The following TNFRSF11A variants were observed in gnomAD, a reference collection of about 807,000 sequenced individuals.
TNFRSF11A encodes the protein TNF receptor superfamily member 11a.
Under a neutral mutation model 55.7 loss-of-function variants are expected in TNFRSF11A, and 32 were observed. The observed-to-expected ratio is 0.57, with a 90% confidence interval of 0.43 to 0.77. The LOEUF is 0.77. Among genes scored for constraint, TNFRSF11A ranks in the 30% least tolerant of loss-of-function variants. The pLI is 0.00. For missense variants in TNFRSF11A, 753 were observed against 809.8 expected (o/e 0.93, Z 0.85); for synonymous variants, 311 against 331.0 (o/e 0.94, Z 0.65).
rs907952727 is a variant in TNFRSF11A at position 62,361,628 on chromosome 18, C to A, written c.617-52C>A. The A allele has an allele frequency of 3.3e-6, 5 of 1,522,758 alleles. No homozygotes were observed. The Admixed American group carries it at 5.0e-5, about 15-fold the overall frequency. 94.3% of individuals were successfully genotyped at this position (1,522,758 alleles called of 1,614,324 possible). On this transcript the variant is annotated intron_variant, in intron 6 of 9. Transcript: ENST00000586569. ...TTTACCGGGATTTGTTTTTCAACTG[C>A]GTAAAATTAAAGAATCTTTACTACC...
At chr18:62,343,737 C>T (rs1026322688) in intron 1 of TNFRSF11A, among the ~76,000 whole-genome samples, 7 of 152,094 alleles carry the variant, frequency 4.6e-5, no homozygotes, top group Admixed American at 1.3e-4. Flanking sequence ...CACAAGAAAG[C>T]GAAGCAAGAG....
intron 9 of TNFRSF11A, among the ~76,000 whole-genome samples, chr18:62,369,848 C>T (rs1355472145): frequency 6.6e-6 from 1 of 152,206 alleles, no homozygotes; most frequent in Non-Finnish European, 1.5e-5. Context: ...GGCATTCCCT[C>T]AGATTTCTGC....
chr18:62,356,307 C>T (rs1568483375), intron 4 of TNFRSF11A, among the ~76,000 whole-genome samples: 1 of 152,208 alleles, frequency 6.6e-6, no homozygotes, highest in Non-Finnish European at 1.5e-5. Context: ...TCTTTATTAT[C>T]AAATGCATTG....
At chr18:62,348,584 T>C (rs1273752509) in intron 2 of TNFRSF11A, among the ~76,000 whole-genome samples, 2 of 152,246 alleles carry the variant, frequency 1.3e-5, no homozygotes, top group African/African-American at 4.8e-5. Flanking sequence ...AAATGTGAAA[T>C]GCAGCTCTTA....
intron 1 of TNFRSF11A, among the ~76,000 whole-genome samples, chr18:62,329,261 G>T (rs911455217): frequency 1.3e-5 from 2 of 152,208 alleles, no homozygotes; most frequent in Admixed American, 1.3e-4. Flanking sequence ...AACTGTCCAG[G>T]TGGTTCACTC....
In TNFRSF11A at chr18:62,325,347, C is replaced by A. The variant is rs1600335960; in HGVS notation, c.-6C>A. On this transcript the variant is annotated 5_prime_UTR_variant, in exon 1 of 10. Transcript: ENST00000586569. The surrounding 1 kb of genome is among the most constrained non-coding windows in gnomAD (Gnocchi z 4.7). ...GGCCGCGGCGCCCGCCAGCCTGTCC[C>A]GCGCCATGGCCCCGCGCGCCCGGCG... is the stretch of plus-strand genomic sequence containing the variant. The A allele has an allele frequency of 9.8e-7, 1 of 1,019,620 alleles. No individual in the cohort carries two copies. Among genetic ancestry groups the A allele is most frequent in the Non-Finnish European group, 1.2e-6 (1 of 854,958 alleles). The allele number at this position is 1,019,620 out of a possible 1,614,324, so 63.2% of individuals were successfully genotyped here.
intron 1 of TNFRSF11A, among the ~76,000 whole-genome samples, chr18:62,344,549 T>C (rs1207571335): frequency 6.6e-6 from 1 of 152,228 alleles, no homozygotes; most frequent in Non-Finnish European, 1.5e-5. Context: ...TTTTATCAAA[T>C]GATTGCTTTA....
chr18:62,339,854 T>C (rs1216789687), intron 1 of TNFRSF11A, among the ~76,000 whole-genome samples: 2 of 152,150 alleles, frequency 1.3e-5, no homozygotes, highest in Non-Finnish European at 2.9e-5. Flanking sequence ...AACAGCCTCT[T>C]TGCGGGGAAC....
chr18:62,382,452 A>G (rs9950319), intron 9 of TNFRSF11A, among the ~76,000 whole-genome samples: 2,221 of 152,110 alleles, frequency 0.015, 35 homozygotes, highest in Middle Eastern at 0.061. Flanking sequence ...CTTAATTTCC[A>G]GTTTCGATTT....
At chr18:62,328,217 A>T (rs1600340628) in intron 1 of TNFRSF11A, among the ~76,000 whole-genome samples, 1 of 148,754 alleles carries the variant, frequency 6.7e-6, no homozygotes, top group African/African-American at 2.5e-5. Context: ...GGAGAGAGGG[A>T]GGAGGGGAGG....
intron 9 of TNFRSF11A, among the ~76,000 whole-genome samples, chr18:62,382,406 C>T (rs1204136291): frequency 6.6e-6 from 1 of 152,158 alleles, no homozygotes; most frequent in Non-Finnish European, 1.5e-5. Flanking sequence ...CCACCGCGCC[C>T]GGCCTCCTGA....
chr18:62,354,285 A>G, intron 3 of TNFRSF11A, 106 bp from the exon 4 acceptor site: 3 of 1,379,960 alleles, frequency 2.2e-6, no homozygotes, highest in Non-Finnish European at 2.9e-6. Flanking sequence ...CAGGCCTGCC[A>G]GGCGGGCTGC....
intron 9 of TNFRSF11A, among the ~76,000 whole-genome samples, chr18:62,378,868 C>T (rs1911074890): frequency 6.6e-6 from 1 of 152,188 alleles, no homozygotes; most frequent in African/African-American, 2.4e-5. Flanking sequence ...ATTCTCTGCC[C>T]CACATTTCTG....
At chr18:62,335,146 G>T (rs374849961) in intron 1 of TNFRSF11A, among the ~76,000 whole-genome samples, 1,383 of 84,508 alleles carry the variant, frequency 0.016, no homozygotes, top group Non-Finnish European at 0.028. Flanking sequence ...TTTTTTTTTT[G>T]TTACCCAGGC....
rs995644342 is a variant in TNFRSF11A, at chr18:62,354,298, C to G, written c.284-93C>G. ...TGCAGGCCTGCCAGGCGGGCTGCTGCTCTGGGCTGGATGTTGGATAGCGCA... is the reference window on the plus strand; with the variant it reads ...TGCAGGCCTGCCAGGCGGGCTGCTGGTCTGGGCTGGATGTTGGATAGCGCA... On this transcript the variant is annotated intron_variant, in intron 3 of 9. Coordinates refer to ENST00000586569, the MANE Select transcript of TNFRSF11A (RefSeq NM_003839.4). 112 of 1,431,042 alleles carry G rather than the reference C, an allele frequency of 7.8e-5. 1 individual carries two copies. The African/African-American group carries it at 1.4e-3, about 18-fold the overall frequency. The allele number at this position is 1,431,042 out of a possible 1,614,324, so 88.6% of individuals were successfully genotyped here.
chr18:62,342,493 G>C (rs2046328508), intron 1 of TNFRSF11A, among the ~76,000 whole-genome samples: 1 of 150,778 alleles, frequency 6.6e-6, no homozygotes. Flanking sequence ...TGCCCTATCT[G>C]GTGTCTGGGC....
rs200818679 is a variant in TNFRSF11A at position 62,367,156 on chromosome 18, C to A, written c.783+396C>A. 3.3e-5 allele frequency among the ~76,000 whole-genome samples: 5 copies of A among 152,312 alleles called. No individual in the cohort carries two copies. The East Asian group carries it at 9.7e-4, about 29-fold the overall frequency. ...GGAGCCACCGCGCCCGGCCTCAGCTCCTTTGCTTACAGGGCATTTCCAGGT... is the reference window on the plus strand; with the variant it reads ...GGAGCCACCGCGCCCGGCCTCAGCTACTTTGCTTACAGGGCATTTCCAGGT... On this transcript the variant is annotated intron_variant, in intron 8 of 9. Transcript: ENST00000586569.
At chr18:62,354,678 G>GT in intron 4 of TNFRSF11A, 144 bp downstream of exon 4, 1 of 1,232,438 alleles carries the variant, frequency 8.1e-7, no homozygotes, top group Non-Finnish European at 1.1e-6. Flanking sequence ...GGTGGGGGCT[G>GT]ATTTTCCACG....
rs1242099889 is a variant in TNFRSF11A, at chr18:62,383,677, A to T, written c.1568-1074A>T. On this transcript the variant is annotated intron_variant, in intron 9 of 9. Transcript: ENST00000586569. The surrounding 1 kb of genome is among the most constrained non-coding windows in gnomAD (Gnocchi z 4.2). Reference sequence around the variant, plus strand: ...TAGCAGGTTGCCTAACATTTGTTGGACTTTGTTTGTTTTTCAAAAGGCCCG... The same window carrying T: ...TAGCAGGTTGCCTAACATTTGTTGGTCTTTGTTTGTTTTTCAAAAGGCCCG... Among the ~76,000 whole-genome samples the T allele has an allele frequency of 1.3e-5, 2 of 151,960 alleles. No homozygotes were observed. The highest frequency in any genetic ancestry group is 4.8e-5 in the African/African-American group (2 of 41,350).
Sources: allele counts gnomAD v4.1 joint callset (sites outside exome capture counted in the v4.1 genomes callset), GRCh38; gene constraint gnomAD v4.1.1; non-coding constraint Gnocchi (gnomAD v3.1); transcripts MANE v1.5; gene names NCBI Gene and HGNC (gene_info 2026-07-23, HGNC 2026-07-21).